LIN9: variants seen among roughly 807,000 people sequenced by gnomAD.
LIN9 encodes lin-9 DREAM MuvB core complex component.
A neutral mutation model predicts 78.0 loss-of-function variants in LIN9; 18 were observed. The observed-to-expected ratio is 0.23, with a 90% CI of 0.16 to 0.34. The LOEUF is 0.34. Ranked by LOEUF, LIN9 falls within the 10% of genes least tolerant of loss-of-function variation. LIN9 has a pLI of 1.00. For synonymous variants in LIN9, 192 were observed against 215.2 expected (o/e 0.89, Z 0.94); for missense variants, 451 against 644.1 (o/e 0.70, Z 3.25).
At chr1:226,252,953 C>T (rs114303843) in intron 10 of LIN9, among the ~76,000 whole-genome samples, 6,287 of 151,250 alleles carry the variant, frequency 0.042, 173 homozygotes, top group Non-Finnish European at 0.062. Flanking sequence ...GGGACAAGAG[C>T]GAAACACCCT....
intron 11 of LIN9, among the ~76,000 whole-genome samples, chr1:226,249,152 A>AT (rs1216671232): frequency 6.6e-6 from 1 of 152,236 alleles, no homozygotes; most frequent in Admixed American, 6.5e-5. Context: ...ATACATAAAG[A>AT]TAGAAGAGAT....
chr1:226,256,696 C>T (rs1329527002), intron 10 of LIN9, among the ~76,000 whole-genome samples: 2 of 151,292 alleles, frequency 1.3e-5, no homozygotes, highest in Non-Finnish European at 2.9e-5. Context: ...GTAGCTGGGA[C>T]TACAGGCGCC....
upstream of LIN9, chr1:226,309,505 C>A (rs1237955970): frequency 1.8e-6 from 2 of 1,129,634 alleles, no homozygotes; most frequent in African/African-American, 3.4e-5. Context: ...GCTGCAGCTG[C>A]GGGAACTGCA....
chr1:226,263,900 C>T (rs1474712422), intron 10 of LIN9, among the ~76,000 whole-genome samples: 3 of 151,998 alleles, frequency 2.0e-5, no homozygotes, highest in Non-Finnish European at 4.4e-5. Context: ...AGTGAGACTC[C>T]ATCTCTACAA....
intron 10 of LIN9, among the ~76,000 whole-genome samples, chr1:226,256,431 A>G (rs1374717689): frequency 2.0e-5 from 3 of 151,960 alleles, no homozygotes; most frequent in Non-Finnish European, 4.4e-5. Flanking sequence ...TGGGCATCAT[A>G]GCTCACGCCT....
At chr1:226,295,519 T>G (rs981800717) in intron 4 of LIN9, among the ~76,000 whole-genome samples, 1 of 151,962 alleles carries the variant, frequency 6.6e-6, no homozygotes, top group African/African-American at 2.4e-5. Context: ...AAGTCTTCAA[T>G]GTACTTCTCT....
rs1404318812 is a variant in LIN9 at position 226,267,149 on chromosome 1, T to C, written c.816+808A>G. Among the ~76,000 whole-genome samples, 6 of 151,650 alleles carry C rather than the reference T, an allele frequency of 4.0e-5. No homozygotes were observed. The Middle Eastern group carries it at 0.01, about 260-fold the overall frequency. On this transcript the variant is annotated intron_variant, in intron 8 of 14. Transcript: ENST00000681046. ...ATGTAAAAACTTAAGAGCAGTGTAC[T>C]CTGTTCTACATTTAGTTCTAATTTT...
intron 10 of LIN9, among the ~76,000 whole-genome samples, chr1:226,255,263 C>T (rs904802994): frequency 3.9e-5 from 6 of 152,128 alleles, no homozygotes; most frequent in Admixed American, 1.3e-4. Flanking sequence ...GGAAAACTAA[C>T]GATTTTGAAT....
intron 8 of LIN9, among the ~76,000 whole-genome samples, chr1:226,267,303 A>ATTCATATTATG (rs1659985412): frequency 1.5e-5 from 1 of 66,760 alleles, no homozygotes; most frequent in Non-Finnish European, 3.0e-5. Context: ...ATGTGTGTGT[A>ATTCATATTATG]TATATATTAT....
intron 11 of LIN9, among the ~76,000 whole-genome samples, chr1:226,244,720 T>C (rs1426425980): frequency 6.6e-6 from 1 of 152,236 alleles, no homozygotes; most frequent in African/African-American, 2.4e-5. Context: ...CAGATATTCA[T>C]TTAACCATTT....
intron 6 of LIN9, among the ~76,000 whole-genome samples, chr1:226,281,020 C>T (rs919666118): frequency 5.3e-5 from 8 of 152,240 alleles, no homozygotes; most frequent in Non-Finnish European, 7.4e-5. Flanking sequence ...TCACCCTAAG[C>T]GTCCATCAAC....
chr1:226,292,052 C>A (rs1415677343), intron 4 of LIN9, among the ~76,000 whole-genome samples: 1 of 151,868 alleles, frequency 6.6e-6, no homozygotes, highest in African/African-American at 2.4e-5. Flanking sequence ...CATTATTGAC[C>A]CAGATTTTTA....
intron 5 of LIN9, 104 bp from the exon 6 acceptor site, chr1:226,286,562 T>C: frequency 2.6e-6 from 2 of 784,160 alleles, no homozygotes; most frequent in Non-Finnish European, 3.9e-6. Context: ...CCCATATATA[T>C]ATATAAACTG....
In LIN9 at chr1:226,251,568, G is replaced by A. The variant is rs551523385; in HGVS notation, c.1039-649C>T. On this transcript the variant is annotated intron_variant, in intron 10 of 14. Coordinates refer to ENST00000681046, the MANE Select transcript of LIN9 (RefSeq NM_001366245.2). ...GTAGAGACAGGGTTTCACCATGCTG[G>A]CCAGACTGGTCTCGAACTCCTGACC... Among the ~76,000 whole-genome samples the A allele has an allele frequency of 4.6e-5, 7 of 152,218 alleles. No individual in the cohort carries two copies. In the South Asian group the frequency reaches 1.4e-3, roughly 32 times the overall value.
At chr1:226,290,111 TA>T (rs776056572) in intron 4 of LIN9, among the ~76,000 whole-genome samples, 1 of 151,568 alleles carries the variant, frequency 6.6e-6, no homozygotes, top group Non-Finnish European at 1.5e-5. Context: ...CTATAAACTC[TA>T]AAAAAAATTA....
intron 12 of LIN9, among the ~76,000 whole-genome samples, chr1:226,238,114 C>T (rs945116375): frequency 6.6e-6 from 1 of 152,076 alleles, no homozygotes; most frequent in African/African-American, 2.4e-5. Flanking sequence ...ACTGTTGAAC[C>T]ACTCTCATAT....
intron 4 of LIN9, 26 bp downstream of exon 4, chr1:226,295,816 G>A: frequency 6.8e-7 from 1 of 1,461,554 alleles, no homozygotes; most frequent in African/African-American, 1.4e-5. Flanking sequence ...CCTTTCCAAT[G>A]AAACAAAATT....
chr1:226,262,538 G>C (rs569529706), intron 10 of LIN9, among the ~76,000 whole-genome samples: 1 of 152,298 alleles, frequency 6.6e-6, no homozygotes, highest in East Asian at 1.9e-4. Flanking sequence ...GATGGTCAAT[G>C]AGGAAATGTA....
At chr1:226,306,428 G>A (rs1302815919) in intron 1 of LIN9, among the ~76,000 whole-genome samples, 4 of 152,214 alleles carry the variant, frequency 2.6e-5, no homozygotes, top group Admixed American at 2.0e-4. Flanking sequence ...ATCACTAGAA[G>A]TATCTGTCCT....
Sources: allele counts gnomAD v4.1 joint callset (sites outside exome capture counted in the v4.1 genomes callset), GRCh38; gene constraint gnomAD v4.1.1; transcripts MANE v1.5; gene names NCBI Gene and HGNC (gene_info 2026-07-23, HGNC 2026-07-21).